Variants in MMP26 observed in about 807,000 individuals in gnomAD.
MMP26 encodes the protein matrix metallopeptidase 26.
Under a neutral mutation model 31.0 loss-of-function variants are expected in MMP26, and 33 were observed. That is an observed-to-expected ratio of 1.06 (90% CI 0.81 to 1.42). The LOEUF (loss-of-function observed/expected upper bound fraction) is 1.42, where lower values mean the gene tolerates loss of function less well. MMP26 is among the 40% of genes most tolerant of loss of function. The pLI, the probability that MMP26 is intolerant of heterozygous loss-of-function variation, is 0.00. For missense variants in MMP26, 347 were observed against 316.1 expected, an observed-to-expected ratio of 1.10 and a Z score of -0.74; for synonymous variants, 122 against 114.9, an observed-to-expected ratio of 1.06 and a Z score of -0.40.
intron 2 of MMP26, among the ~76,000 whole-genome samples, chr11:4,966,630 C>T (rs1254368328): frequency 6.6e-6 from 1 of 152,120 alleles, no homozygotes; most frequent in Non-Finnish European, 1.5e-5. Context: ...CCCTCTTGTT[C>T]AAGGAAATAA....
chr11:4,778,796 C>T (rs1226596101), intron 2 of MMP26, among the ~76,000 whole-genome samples: 1 of 151,954 alleles, frequency 6.6e-6, no homozygotes, highest in East Asian at 1.9e-4. Flanking sequence ...TTTTTTCTAT[C>T]AAAACCTTTC....
Position 4,923,351 on chromosome 11 carries a change from A to G in MMP26, c.-144-64717A>G. The G allele has an allele frequency of 2.0e-6, 3 of 1,519,658 alleles. No homozygotes were observed. In the South Asian group the frequency reaches 4.0e-5, roughly 20 times the overall value. The allele number at this position is 1,519,658 out of a possible 1,614,324, so 94.1% of individuals were successfully genotyped here. On this transcript the variant is annotated intron_variant, in intron 2 of 7. Transcript: ENST00000380390. ...CAGAAACCTGTGGGCTTTATGTCCA[A>G]AACTTCCTCTCTTTACTCTAACTTA... is the stretch of plus-strand genomic sequence containing the variant.
intron 2 of MMP26, among the ~76,000 whole-genome samples, chr11:4,772,155 A>G (rs550230714): frequency 1.2e-4 from 18 of 152,348 alleles, no homozygotes; most frequent in Middle Eastern, 3.4e-3. Context: ...ATCTATAAAA[A>G]TTAGAGGGCA....
At chr11:4,843,401 C>A (rs1201548213) in intron 2 of MMP26, among the ~76,000 whole-genome samples, 1 of 152,218 alleles carries the variant, frequency 6.6e-6, no homozygotes, top group Non-Finnish European at 1.5e-5. Flanking sequence ...TAGAGGCTCC[C>A]AAACCTAAAC....
chr11:4,822,087 G>A (rs1336287907), intron 2 of MMP26: 1 of 1,613,154 alleles, frequency 6.2e-7, no homozygotes, highest in African/African-American at 1.3e-5. Flanking sequence ...CCTATATCCT[G>A]ATCATTCGAT....
chr11:4,945,491 TAA>T (rs34472938), intron 2 of MMP26: 22,675 of 152,802 alleles, frequency 0.15, 1,776 homozygotes, highest in South Asian at 0.17. Context: ...AGTTCAAATT[TAA>T]AAGAGACACT....
chr11:4,837,084 T>C (rs1460511615), intron 2 of MMP26, among the ~76,000 whole-genome samples: 1 of 152,116 alleles, frequency 6.6e-6, no homozygotes, highest in East Asian at 1.9e-4. Flanking sequence ...AAATACCAGA[T>C]TGGGAAAGGC....
intron 2 of MMP26, chr11:4,848,767 C>T: frequency 6.2e-7 from 1 of 1,613,936 alleles, no homozygotes; most frequent in Non-Finnish European, 8.5e-7. Context: ...TTGCTAATTA[C>T]ACCATTGGTG....
At chr11:4,707,727 C>T (rs527949981) in intron 1 of MMP26, among the ~76,000 whole-genome samples, 3 of 152,272 alleles carry the variant, frequency 2.0e-5, no homozygotes, top group African/African-American at 4.8e-5. Context: ...GGCCACATAT[C>T]GGGAATCACA....
chr11:4,731,949 T>A (rs151262577), intron 1 of MMP26, among the ~76,000 whole-genome samples: 1 of 152,302 alleles, frequency 6.6e-6, no homozygotes, highest in African/African-American at 2.4e-5. Context: ...GGGTTCTCTG[T>A]TCCTCCTGGA....
chr11:4,760,269 A>T (rs141677585), intron 1 of MMP26, among the ~76,000 whole-genome samples: 2 of 152,342 alleles, frequency 1.3e-5, no homozygotes, highest in East Asian at 3.9e-4. Flanking sequence ...CCATGGATTC[A>T]TTTAATTAAT....
intron 2 of MMP26, among the ~76,000 whole-genome samples, chr11:4,827,378 G>A (rs771471479): frequency 2.6e-4 from 40 of 152,082 alleles, no homozygotes; most frequent in Non-Finnish European, 5.4e-4. Flanking sequence ...CAATTAAAAT[G>A]ATATGCTTAC....
At chr11:4,912,345 A>G (rs189477002) in intron 2 of MMP26, among the ~76,000 whole-genome samples, 10 of 152,324 alleles carry the variant, frequency 6.6e-5, no homozygotes, top group African/African-American at 2.2e-4. Context: ...TTGCTACTAT[A>G]TCGGAATAAC....
intron 2 of MMP26, among the ~76,000 whole-genome samples, chr11:4,811,984 G>A (rs1157550514): frequency 2.6e-5 from 4 of 152,148 alleles, no homozygotes; most frequent in Non-Finnish European, 4.4e-5. Context: ...GTGGCTCACA[G>A]CTGTTTGTCG....
chr11:4,980,221 G>A (rs1051604644), intron 2 of MMP26, among the ~76,000 whole-genome samples: 5 of 151,978 alleles, frequency 3.3e-5, no homozygotes, highest in Non-Finnish European at 5.9e-5. Flanking sequence ...TTGAAAATAT[G>A]AGTAGTCCTC....
chr11:4,879,001 C>T lies in MMP26; in HGVS notation c.-144-109067C>T, dbSNP rs553627286. Among the ~76,000 whole-genome samples, 7 of 152,110 alleles carry T rather than the reference C, an allele frequency of 4.6e-5. No individual in the cohort carries two copies. The East Asian group carries it at 5.8e-4, about 13-fold the overall frequency. On this transcript the variant is annotated intron_variant, in intron 2 of 7. Transcript: ENST00000380390. ...CTGTAATCCCAGCATTTTGGGAAGCCGAGGCGGGTGGATCATGTGGTTAGG... is the reference window on the plus strand; with the variant it reads ...CTGTAATCCCAGCATTTTGGGAAGCTGAGGCGGGTGGATCATGTGGTTAGG...
At chr11:4,777,044 T>C (rs973927261) in intron 2 of MMP26, among the ~76,000 whole-genome samples, 2 of 152,190 alleles carry the variant, frequency 1.3e-5, no homozygotes, top group African/African-American at 4.8e-5. Context: ...ATTCTTAAAA[T>C]ACAAGGGTAC....
chr11:4,858,460 T>C (rs913830460), intron 2 of MMP26, among the ~76,000 whole-genome samples: 13 of 152,012 alleles, frequency 8.6e-5, no homozygotes, highest in Admixed American at 3.3e-4. Context: ...CATGAGTGAA[T>C]TCCCATTCAC....
intron 2 of MMP26, among the ~76,000 whole-genome samples, chr11:4,962,860 T>A (rs1846539405): frequency 6.6e-6 from 1 of 152,202 alleles, no homozygotes; most frequent in Admixed American, 6.5e-5. Flanking sequence ...AAGTAGCAAC[T>A]GTGACATTAG....
Sources: gnomAD v4.1 joint callset for allele counts (sites outside exome capture counted in the v4.1 genomes callset) on GRCh38, gnomAD v4.1.1 for gene constraint, MANE v1.5 for transcripts, NCBI Gene and HGNC (gene_info 2026-07-23, HGNC 2026-07-21) for gene names.